Variants in CCDC148 observed in about 807,000 individuals in gnomAD.
CCDC148 encodes the protein coiled-coil domain containing 148, also known as coiled-coil domain-containing protein 148.
CCDC148 carries 89 observed loss-of-function variants against 85.7 expected under a neutral mutation model. The observed-to-expected ratio is 1.04, with a 90% CI of 0.87 to 1.24. The LOEUF is 1.24. CCDC148 is among the 50% of genes most tolerant of loss of function. The probability of loss-of-function intolerance (pLI) is 0.00; values close to 1 mark genes in which losing one functional copy is unlikely to be tolerated. For missense variants in CCDC148, 692 were observed against 671.7 expected, an observed-to-expected ratio of 1.03 and a Z score of -0.33; for synonymous variants, 230 against 213.9, an observed-to-expected ratio of 1.08 and a Z score of -0.66.
intron 7 of CCDC148, among the ~76,000 whole-genome samples, chr2:158,314,307 C>T (rs1169587353): frequency 6.6e-6 from 1 of 152,082 alleles, no homozygotes; most frequent in Non-Finnish European, 1.5e-5. Flanking sequence ...TAAATGTAGA[C>T]AGTTAAATGA....
chr2:158,289,320 T>C (rs1690779873), intron 9 of CCDC148, among the ~76,000 whole-genome samples: 5 of 151,960 alleles, frequency 3.3e-5, no homozygotes, highest in Admixed American at 3.3e-4. Context: ...CTGAAAAACA[T>C]ATAACCCACA....
chr2:158,291,718 T>G (rs912460514), intron 9 of CCDC148, among the ~76,000 whole-genome samples: 4 of 152,206 alleles, frequency 2.6e-5, no homozygotes, highest in African/African-American at 9.7e-5. Context: ...CCTCCTCTAC[T>G]GGAATCTGAG....
intron 1 of CCDC148, among the ~76,000 whole-genome samples, chr2:158,441,556 G>A (rs748685403): frequency 4.6e-5 from 7 of 152,120 alleles, no homozygotes; most frequent in African/African-American, 1.4e-4. Context: ...ACATATTTGA[G>A]ATAAAAAATA....
At chr2:158,403,032 CAAAA>C (rs1212361171) in intron 1 of CCDC148, among the ~76,000 whole-genome samples, 2 of 151,854 alleles carry the variant, frequency 1.3e-5, no homozygotes, top group Non-Finnish European at 2.9e-5. Context: ...CGAAAAGAAA[CAAAA>C]AGAAAGAAAG....
chr2:158,438,663 G>A (rs1486859444), intron 1 of CCDC148, among the ~76,000 whole-genome samples: 1 of 151,998 alleles, frequency 6.6e-6, no homozygotes, highest in Non-Finnish European at 1.5e-5. Flanking sequence ...CACAGCAAAA[G>A]AAACTACCAT....
chr2:158,210,911 A>G (rs1686537935), intron 11 of CCDC148, among the ~76,000 whole-genome samples: 1 of 149,382 alleles, frequency 6.7e-6, no homozygotes, highest in African/African-American at 2.5e-5. Context: ...GTGAGCCAAG[A>G]TCATGCCACT....
At chr2:158,390,291 G>A (rs1252585828) in intron 1 of CCDC148, among the ~76,000 whole-genome samples, 2 of 152,062 alleles carry the variant, frequency 1.3e-5, no homozygotes, top group Non-Finnish European at 2.9e-5. Context: ...AGGGATAGAA[G>A]GACCAAACGA....
chr2:158,181,817 T>C (rs1386495979), intron 11 of CCDC148, among the ~76,000 whole-genome samples: 3 of 151,712 alleles, frequency 2.0e-5, no homozygotes, highest in Admixed American at 6.6e-5. Flanking sequence ...TGTGGGGGTT[T>C]TGAAAGCATG....
intron 11 of CCDC148, among the ~76,000 whole-genome samples, chr2:158,215,425 G>T (rs1164256782): frequency 6.6e-6 from 1 of 152,112 alleles, no homozygotes; most frequent in East Asian, 1.9e-4. Context: ...ATCCAGCTTT[G>T]CCTCTGCTTG....
intron 10 of CCDC148, among the ~76,000 whole-genome samples, chr2:158,226,834 C>T (rs1024700136): frequency 3.9e-5 from 6 of 152,014 alleles, no homozygotes; most frequent in African/African-American, 1.4e-4. Flanking sequence ...CTATGACAAA[C>T]CCACAGTCAA....
intron 1 of CCDC148, among the ~76,000 whole-genome samples, chr2:158,437,048 A>G (rs1449342490): frequency 6.6e-6 from 1 of 152,244 alleles, no homozygotes; most frequent in African/African-American, 2.4e-5. Context: ...TAGCAGAGGT[A>G]GAATGAGGAG....
chr2:158,324,106 C>T (rs1336654138), intron 7 of CCDC148, among the ~76,000 whole-genome samples: 4 of 151,430 alleles, frequency 2.6e-5, no homozygotes, highest in East Asian at 1.9e-4. Flanking sequence ...TTAGTAGAGA[C>T]GGGGTTTCAC....
intron 1 of CCDC148, among the ~76,000 whole-genome samples, chr2:158,455,762 TAAG>T (rs1426085461): frequency 3.3e-5 from 5 of 152,212 alleles, no homozygotes; most frequent in African/African-American, 9.7e-5. Flanking sequence ...AATCTCACTT[TAAG>T]AAGGTGATAT....
intron 11 of CCDC148, among the ~76,000 whole-genome samples, chr2:158,208,564 G>A (rs1388115887): frequency 3.9e-5 from 6 of 152,168 alleles, no homozygotes; most frequent in Admixed American, 3.9e-4. Flanking sequence ...ACAGGAACAG[G>A]AACAAAGGCA....
intron 1 of CCDC148, among the ~76,000 whole-genome samples, chr2:158,447,757 C>A (rs563828131): frequency 2.6e-5 from 4 of 151,926 alleles, no homozygotes; most frequent in Non-Finnish European, 5.9e-5. Flanking sequence ...TCTTATTTTT[C>A]ACATTTAGCA....
At chr2:158,340,920 G>A (rs541293839) in intron 3 of CCDC148, among the ~76,000 whole-genome samples, 61 of 152,170 alleles carry the variant, frequency 4.0e-4, no homozygotes, top group Non-Finnish European at 7.8e-4. Flanking sequence ...TGCATGTGGA[G>A]AGGACCCAGA....
intron 1 of CCDC148, among the ~76,000 whole-genome samples, chr2:158,377,735 T>C (rs1684713302): frequency 6.6e-6 from 1 of 152,114 alleles, no homozygotes. Context: ...ATTTTGGTTA[T>C]TACTGCAAAA....
rs996199004 is a variant in CCDC148 at position 158,316,257 on chromosome 2, T to A, written c.765-2363A>T. Among the ~76,000 whole-genome samples the A allele has an allele frequency of 5.3e-5, 8 of 152,322 alleles. No homozygotes were observed. The South Asian group carries it at 1.7e-3, about 32-fold the overall frequency. ...AACATTTACAAAAATGCTTTCCAAA[T>A]AGAAGCACACATTAAGCAGTGTACA... On this transcript the variant is annotated intron_variant, in intron 7 of 13. Transcript: ENST00000283233.
intron 9 of CCDC148, among the ~76,000 whole-genome samples, chr2:158,306,538 T>C (rs922843697): frequency 1.3e-5 from 2 of 152,052 alleles, no homozygotes; most frequent in African/African-American, 2.4e-5. Context: ...GGGACATGGA[T>C]GAAGCTGGAA....
Sources: allele counts gnomAD v4.1 joint callset (sites outside exome capture counted in the v4.1 genomes callset), GRCh38; gene constraint gnomAD v4.1.1; transcripts MANE v1.5; gene names NCBI Gene and HGNC (gene_info 2026-07-23, HGNC 2026-07-21).